The following LINS1 variants were observed in gnomAD, a reference collection of about 807,000 sequenced individuals.
LINS1 encodes protein Lines homolog 1.
A neutral mutation model predicts 41.6 loss-of-function variants in LINS1; 27 were observed. That is an observed-to-expected ratio of 0.65 (90% CI 0.48 to 0.89). LINS1 has a LOEUF of 0.89. Among genes scored for constraint, LINS1 ranks in the 40% least tolerant of loss-of-function variants. The pLI, the probability that LINS1 is intolerant of heterozygous loss-of-function variation, is 0.00. For synonymous variants in LINS1, 336 were observed against 312.9 expected (o/e 1.07, Z -0.78); for missense variants, 955 against 884.1 (o/e 1.08, Z -1.02).
At chr15:100,579,931 T>G (rs1252900312) in intron 3 of LINS1, among the ~76,000 whole-genome samples, 5 of 152,234 alleles carry the variant, frequency 3.3e-5, no homozygotes, top group African/African-American at 9.6e-5. Flanking sequence ...AAGACTCTAA[T>G]CCTTGACACA....
intron 1 of LINS1, among the ~76,000 whole-genome samples, chr15:100,581,971 TCA>T (rs1315860363): frequency 6.6e-6 from 1 of 152,254 alleles, no homozygotes; most frequent in African/African-American, 2.4e-5. Context: ...GGTTGTGATT[TCA>T]CACTCTTGAA....
At chr15:100,578,166 A>T (rs1433701678) in intron 3 of LINS1, among the ~76,000 whole-genome samples, 11 of 152,250 alleles carry the variant, frequency 7.2e-5, no homozygotes, top group East Asian at 3.9e-4. Context: ...AAGCCAAAAT[A>T]GAGAAATGGG....
At chr15:100,579,337 A>G (rs2038388435) in intron 3 of LINS1, among the ~76,000 whole-genome samples, 1 of 151,866 alleles carries the variant, frequency 6.6e-6, no homozygotes, top group Admixed American at 6.6e-5. Context: ...CTGGATTCTA[A>G]GTTTCAAGAA....
chr15:100,577,936 T>C (rs2141296032), intron 3 of LINS1, among the ~76,000 whole-genome samples: 1 of 152,332 alleles, frequency 6.6e-6, no homozygotes, highest in Admixed American at 6.5e-5. Context: ...GGATTCCCTA[T>C]TTAACAAATG....
At chr15:100,585,035 A>G (rs1477008791) in intron 1 of LINS1, among the ~76,000 whole-genome samples, 1 of 152,214 alleles carries the variant, frequency 6.6e-6, no homozygotes, top group Non-Finnish European at 1.5e-5. Context: ...CTCTAGTGGA[A>G]TGAGAAGCAC....
chr15:100,593,187 T>C (rs571697936), intron 1 of LINS1, among the ~76,000 whole-genome samples: 43 of 152,234 alleles, frequency 2.8e-4, no homozygotes, highest in African/African-American at 1.0e-3. Context: ...TCTGAGGCCA[T>C]CTATATGATA....
chr15:100,598,101 C>T (rs2039326688), intron 1 of LINS1, among the ~76,000 whole-genome samples: 1 of 152,192 alleles, frequency 6.6e-6, no homozygotes, highest in Non-Finnish European at 1.5e-5. Flanking sequence ...GTAGGTCCTC[C>T]GGTGATACTG....
Position 100,568,855 on chromosome 15 carries a change from T to C in LINS1, c.*383A>G. On this transcript the variant is annotated 3_prime_UTR_variant, in exon 7 of 7. Transcript: ENST00000314742. ...GTCTAGAAAACCCAGCCGGGCACAG[T>C]GGCTCATGCCTGTAATCCCAGCACT... 5.4e-6 allele frequency: 1 copy of C among 185,972 alleles called. No homozygotes were observed. Among genetic ancestry groups the C allele is most frequent in the Non-Finnish European group, 1.1e-5 (1 of 88,030 alleles). 11.5% of individuals were successfully genotyped at this position (185,972 alleles called of 1,614,324 possible).
At chr15:100,576,237 C>T (rs1018001471) in intron 3 of LINS1, among the ~76,000 whole-genome samples, 1 of 152,074 alleles carries the variant, frequency 6.6e-6, no homozygotes, top group African/African-American at 2.4e-5. Context: ...AATCCAGGAG[C>T]TGGTTTTTTG....
At chr15:100,593,117 T>A (rs949072789) in intron 1 of LINS1, among the ~76,000 whole-genome samples, 6 of 152,186 alleles carry the variant, frequency 3.9e-5, no homozygotes, top group African/African-American at 1.4e-4. Flanking sequence ...GACAACAAGC[T>A]TTTAAGAGAC....
intron 1 of LINS1, among the ~76,000 whole-genome samples, chr15:100,582,083 A>C (rs1176987976): frequency 1.3e-5 from 2 of 152,242 alleles, no homozygotes; most frequent in African/African-American, 4.8e-5. Flanking sequence ...TCTACCACTT[A>C]CACTGGGTCT....
At chr15:100,578,034 T>C (rs976177043) in intron 3 of LINS1, among the ~76,000 whole-genome samples, 198 of 152,196 alleles carry the variant, frequency 1.3e-3, no homozygotes, top group Middle Eastern at 6.8e-3. Context: ...CAAGATGGAT[T>C]AAAGACTTAT....
intron 3 of LINS1, among the ~76,000 whole-genome samples, chr15:100,578,750 C>T (rs1489053321): frequency 6.6e-6 from 1 of 152,106 alleles, no homozygotes; most frequent in Admixed American, 6.5e-5. Flanking sequence ...GCACTACTCA[C>T]AATAGCAAAG....
chr15:100,572,214 C>G, intron 5 of LINS1, 149 bp from the exon 6 acceptor site: 1 of 1,476,172 alleles, frequency 6.8e-7, no homozygotes, highest in Non-Finnish European at 8.9e-7. Context: ...AGTTAGGAAG[C>G]ATCTTTATTT....
chr15:100,570,573 C>A (rs2037768472), intron 6 of LINS1: 1 of 154,664 alleles, frequency 6.5e-6, no homozygotes. Flanking sequence ...TCCCCTGGGA[C>A]TTTTGCTGGA....
At position 100,600,551 on chromosome 15, in the gene LINS1, C is replaced by CAAAAAAAAAAAAAAAAAAAAAAAA. The variant is rs56911211; in HGVS notation, c.-104+1569_-104+1570insTTTTTTTTTTTTTTTTTTTTTTTT. On this transcript the variant is annotated intron_variant, in intron 1 of 6. Coordinates refer to ENST00000314742, the MANE Select transcript of LINS1 (RefSeq NM_001040616.3). The stretch of plus-strand genomic sequence containing the variant: ...TTTACATTGGAGTCCTGCTGTTAAG[C>CAAAAAAAAAAAAAAAAAAAAAAAA]AAAAAAAAAAAAAAAAAAAACAGGG... 2.5e-5 allele frequency among the ~76,000 whole-genome samples: 2 copies of CAAAAAAAAAAAAAAAAAAAAAAAA among 79,678 alleles called. 1 individual carries two copies. The highest frequency in any genetic ancestry group is 4.4e-5 in the Non-Finnish European group (2 of 45,298). The allele number at this position is 79,678 out of a possible 152,430, so 52.3% of individuals were successfully genotyped here.
intron 3 of LINS1, chr15:100,576,441 C>T (rs2038184595): frequency 6.6e-6 from 1 of 152,136 alleles, no homozygotes; most frequent in Admixed American, 6.5e-5. Context: ...TGGATAAATT[C>T]CTGGACACAT....
chr15:100,577,135 T>C (rs113082787), intron 3 of LINS1, among the ~76,000 whole-genome samples: 8 of 152,134 alleles, frequency 5.3e-5, no homozygotes, highest in East Asian at 1.9e-4. Flanking sequence ...GATGCCCTCT[T>C]TCACCACTCC....
At chr15:100,583,017 G>A (rs963598776) in intron 1 of LINS1, among the ~76,000 whole-genome samples, 3 of 149,962 alleles carry the variant, frequency 2.0e-5, no homozygotes, top group Admixed American at 6.7e-5. Context: ...CTTACACTGG[G>A]TCTTCTGTCT....
Sources: allele counts gnomAD v4.1 joint callset (sites outside exome capture counted in the v4.1 genomes callset), GRCh38; gene constraint gnomAD v4.1.1; transcripts MANE v1.5; gene names NCBI Gene and HGNC (gene_info 2026-07-23, HGNC 2026-07-21).